NAALADL2: variants seen among roughly 807,000 people sequenced by gnomAD.
NAALADL2 encodes the protein inactive N-acetylated-alpha-linked acidic dipeptidase-like protein 2.
Under a neutral mutation model 87.2 loss-of-function variants are expected in NAALADL2, and 76 were observed. That is an observed-to-expected ratio of 0.87 (90% CI 0.72 to 1.05). NAALADL2 has a LOEUF of 1.05. Ranked by LOEUF, NAALADL2 falls within the 50% of genes least tolerant of loss-of-function variation. NAALADL2 has a pLI of 0.00. For synonymous variants in NAALADL2, 354 were observed against 331.0 expected (o/e 1.07, Z -0.75); for missense variants, 1,089 against 945.8 (o/e 1.15, Z -1.99).
At chr3:174,583,525 A>C (rs189073912) in intron 2 of NAALADL2, among the ~76,000 whole-genome samples, 1 of 152,180 alleles carries the variant, frequency 6.6e-6, no homozygotes, top group Non-Finnish European at 1.5e-5. Context: ...AAGGTTAAGC[A>C]TTTACAGTAA....
chr3:174,497,958 A>G (rs1303951797), intron 1 of NAALADL2, among the ~76,000 whole-genome samples: 3 of 152,312 alleles, frequency 2.0e-5, no homozygotes, highest in African/African-American at 7.2e-5. Flanking sequence ...AAATAGTTAA[A>G]TGGTTCAAGT....
At chr3:174,611,931 T>C (rs1453396998) in intron 2 of NAALADL2, among the ~76,000 whole-genome samples, 20 of 152,030 alleles carry the variant, frequency 1.3e-4, no homozygotes, top group Admixed American at 9.8e-4. Flanking sequence ...TCCTTTTTTT[T>C]TTTTTCTTGA....
intron 9 of NAALADL2, among the ~76,000 whole-genome samples, chr3:175,562,266 G>A (rs1168449728): frequency 6.6e-6 from 1 of 152,064 alleles, no homozygotes; most frequent in African/African-American, 2.4e-5. Context: ...ATCTCTCTTA[G>A]CAATGATAGC....
intron 10 of NAALADL2, among the ~76,000 whole-genome samples, chr3:175,621,144 C>T (rs1410187907): frequency 2.0e-5 from 3 of 152,176 alleles, no homozygotes; most frequent in East Asian, 3.9e-4. Context: ...CTCGGTTTTC[C>T]GGCTTTAAAC....
chr3:174,777,854 T>C (rs1338118326), intron 3 of NAALADL2, among the ~76,000 whole-genome samples: 2 of 152,074 alleles, frequency 1.3e-5, no homozygotes, highest in African/African-American at 4.8e-5. Context: ...ATGGTTCAAG[T>C]CTTCATTGTC....
intron 1 of NAALADL2, among the ~76,000 whole-genome samples, chr3:175,042,381 A>G (rs1375644919): frequency 6.6e-6 from 1 of 152,144 alleles, no homozygotes; most frequent in Non-Finnish European, 1.5e-5. Flanking sequence ...TATTTTGACT[A>G]TTGTGAATAG....
intron 2 of NAALADL2, among the ~76,000 whole-genome samples, chr3:175,192,146 G>T (rs113372105): frequency 4.5e-4 from 68 of 152,118 alleles, no homozygotes; most frequent in African/African-American, 1.6e-3. Context: ...GGCTTTACTG[G>T]AGTGTTCCTG....
chr3:174,659,028 A>C (rs1725251133), intron 2 of NAALADL2, among the ~76,000 whole-genome samples: 1 of 152,188 alleles, frequency 6.6e-6, no homozygotes, highest in African/African-American at 2.4e-5. Flanking sequence ...TAGTGTATAC[A>C]GTTATTTGTG....
At chr3:175,309,087 C>A (rs189768565) in intron 4 of NAALADL2, among the ~76,000 whole-genome samples, 1 of 152,272 alleles carries the variant, frequency 6.6e-6, no homozygotes, top group East Asian at 1.9e-4. Context: ...AATTACATCT[C>A]TGTGAAATAG....
At chr3:175,273,380 A>G (rs1311774395) in intron 4 of NAALADL2, among the ~76,000 whole-genome samples, 7 of 152,136 alleles carry the variant, frequency 4.6e-5, no homozygotes, top group Non-Finnish European at 1.5e-5. Flanking sequence ...TTATCTTTCT[A>G]CAAGTATTTC....
intron 11 of NAALADL2, among the ~76,000 whole-genome samples, chr3:175,705,775 C>G (rs1411200516): frequency 6.6e-6 from 1 of 152,038 alleles, no homozygotes; most frequent in Admixed American, 6.6e-5. Flanking sequence ...TAATGGTAAA[C>G]CTCAAGTTAG....
intron 2 of NAALADL2, among the ~76,000 whole-genome samples, chr3:174,698,845 C>A (rs551760616): frequency 7.4e-5 from 7 of 94,434 alleles, no homozygotes; most frequent in Non-Finnish European, 1.2e-4. Flanking sequence ...GCCTGGGTGA[C>A]AGAGCGAGAC....
In NAALADL2 at chr3:174,505,003, A is replaced by G. The variant is rs556433777; in HGVS notation, c.-183-45566A>G. Among the ~76,000 whole-genome samples the G allele has an allele frequency of 1.5e-4, 23 of 152,302 alleles. 1 individual carries two copies. The South Asian group carries it at 3.9e-3, about 26-fold the overall frequency. The stretch of plus-strand genomic sequence containing the variant: ...AATGGAAATGTTTCCAAGTACACAA[A>G]TTGGTCATAACATCAACTCTCGAAA... On this transcript the variant is annotated intron_variant, in intron 1 of 3. Transcript: ENST00000434257.
At chr3:174,504,072 G>A (rs562800899) in intron 1 of NAALADL2, among the ~76,000 whole-genome samples, 1 of 152,210 alleles carries the variant, frequency 6.6e-6, no homozygotes, top group East Asian at 1.9e-4. Context: ...CATATGATCT[G>A]TTAAATTCTC....
At chr3:175,319,907 A>C (rs1759628626) in intron 4 of NAALADL2, among the ~76,000 whole-genome samples, 1 of 152,206 alleles carries the variant, frequency 6.6e-6, no homozygotes, top group South Asian at 2.1e-4. Context: ...AAAGCCTGCT[A>C]AGTGCAAGGT....
chr3:175,361,335 A>T (rs1449064328), intron 5 of NAALADL2, among the ~76,000 whole-genome samples: 2 of 148,250 alleles, frequency 1.3e-5, no homozygotes, highest in Non-Finnish European at 3.0e-5. Flanking sequence ...ATACATGTGC[A>T]TGTGTCTTTA....
chr3:175,046,746 C>T (rs1453418941), intron 1 of NAALADL2, among the ~76,000 whole-genome samples: 2 of 152,150 alleles, frequency 1.3e-5, no homozygotes, highest in Non-Finnish European at 2.9e-5. Context: ...CAACAGCCAG[C>T]TTTGTAGCAT....
intron 11 of NAALADL2, among the ~76,000 whole-genome samples, chr3:175,640,660 G>A (rs1047248672): frequency 1.3e-5 from 2 of 151,974 alleles, no homozygotes; most frequent in African/African-American, 2.4e-5. Flanking sequence ...ATTCACAATA[G>A]CATTAACTGT....
intron 9 of NAALADL2, among the ~76,000 whole-genome samples, chr3:175,553,278 G>A (rs896549883): frequency 2.0e-4 from 30 of 152,090 alleles, no homozygotes; most frequent in Non-Finnish European, 2.8e-4. Context: ...TGGGCTCTAC[G>A]CCAAATGATT....
Sources: allele counts gnomAD v4.1 joint callset (sites outside exome capture counted in the v4.1 genomes callset), GRCh38; gene constraint gnomAD v4.1.1; transcripts MANE v1.5; gene names NCBI Gene and HGNC (gene_info 2026-07-23, HGNC 2026-07-21).